Variants in BIN3 observed in about 807,000 individuals in gnomAD.
BIN3 encodes the protein bridging integrator 3.
In BIN3, 41 loss-of-function variants were observed where a neutral mutation model predicts 38.2. The observed-to-expected ratio is 1.07, with a 90% CI of 0.84 to 1.39. The LOEUF (loss-of-function observed/expected upper bound fraction) is 1.39. BIN3 is among the 40% of genes most tolerant of loss of function. BIN3 has a pLI of 0.00. For missense variants in BIN3, 361 were observed against 324.3 expected (o/e 1.11, Z -0.87); for synonymous variants, 145 against 122.6 (o/e 1.18, Z -1.21).
intron 8 of BIN3, among the ~76,000 whole-genome samples, 177 bp from the exon 9 acceptor site, chr8:22,621,745 G>C (rs775769467): frequency 6.6e-6 from 1 of 152,218 alleles, no homozygotes; most frequent in Non-Finnish European, 1.5e-5. Flanking sequence ...GAACCAAAAG[G>C]AGCCGGGGAG....
chr8:22,627,070 A>G (rs1802028922), intron 6 of BIN3, among the ~76,000 whole-genome samples: 1 of 152,148 alleles, frequency 6.6e-6, no homozygotes, highest in South Asian at 2.1e-4. Context: ...CCCCAGTGGG[A>G]AGAGCATGTC....
At chr8:22,639,987 G>A (rs1338960905) in intron 2 of BIN3, among the ~76,000 whole-genome samples, 3 of 150,750 alleles carry the variant, frequency 2.0e-5, no homozygotes, top group African/African-American at 4.9e-5. Context: ...TCAGCCTCCC[G>A]AGTAGCTGGG....
intron 1 of BIN3, among the ~76,000 whole-genome samples, chr8:22,666,473 G>A (rs1447908135): frequency 6.6e-6 from 1 of 152,142 alleles, no homozygotes; most frequent in East Asian, 1.9e-4. Context: ...GCCAAGAAGT[G>A]AATCTGTGAT....
intron 6 of BIN3, among the ~76,000 whole-genome samples, chr8:22,626,864 G>C (rs903807156): frequency 6.6e-6 from 1 of 152,170 alleles, no homozygotes; most frequent in African/African-American, 2.4e-5. Flanking sequence ...CTGTCGGCTG[G>C]GGCTTATTAT....
intron 2 of BIN3, among the ~76,000 whole-genome samples, chr8:22,640,151 C>T (rs1397744188): frequency 6.6e-6 from 1 of 152,064 alleles, no homozygotes; most frequent in African/African-American, 2.4e-5. Context: ...GCGTGAGCCA[C>T]TGTGCCCAGC....
chr8:22,661,191 A>G (rs1381214408), intron 1 of BIN3, among the ~76,000 whole-genome samples: 1 of 151,910 alleles, frequency 6.6e-6, no homozygotes, highest in Non-Finnish European at 1.5e-5. Flanking sequence ...GGCCCCTGAG[A>G]TTCCATTTCC....
At chr8:22,656,198 CTTTTT>C (rs1270903043) in intron 1 of BIN3, among the ~76,000 whole-genome samples, 47 of 144,490 alleles carry the variant, frequency 3.3e-4, no homozygotes, top group African/African-American at 1.2e-3. Context: ...TCATTCAAGC[CTTTTT>C]ATCTCCCTTG....
intron 2 of BIN3, 120 bp from the exon 3 acceptor site, chr8:22,637,082 T>G: frequency 2.4e-6 from 2 of 843,576 alleles, no homozygotes; most frequent in Non-Finnish European, 4.0e-6. Context: ...CATGGTCCAG[T>G]TCACACAAGC....
intron 1 of BIN3, among the ~76,000 whole-genome samples, chr8:22,662,475 T>C (rs543814353): frequency 2.2e-4 from 34 of 152,340 alleles, no homozygotes; most frequent in African/African-American, 7.5e-4. Context: ...TGGAAAGCAA[T>C]TGACAGTTTT....
intron 4 of BIN3, 50 bp from the exon 5 acceptor site, chr8:22,630,628 C>T (rs779827419): frequency 6.9e-6 from 11 of 1,605,392 alleles, no homozygotes; most frequent in African/African-American, 6.7e-5. Flanking sequence ...GCAGGTTTCA[C>T]GGCCTTCTCT....
chr8:22,656,225 T>G (rs1383606033), intron 1 of BIN3, among the ~76,000 whole-genome samples: 1 of 131,720 alleles, frequency 7.6e-6, no homozygotes, highest in Non-Finnish European at 1.6e-5. Context: ...TCTTAAGGGT[T>G]TTTTTTTTTT....
At position 22,620,776 on chromosome 8, in the gene BIN3, C is replaced by T. The variant is rs778264632; in HGVS notation, c.*646G>A. 2.5e-4 allele frequency: 38 copies of T among 152,272 alleles called. No individual in the cohort carries two copies. The highest frequency in any genetic ancestry group is 6.5e-4 in the African/African-American group (27 of 41,470). The allele number at this position is 152,272 out of a possible 1,614,324, so 9.4% of individuals were successfully genotyped here. ...CCAGATACTCAGGTGAGACACAAAC[C>T]CACTGTTCCTGCTTTGAGACCTGTG... On this transcript the variant is annotated 3_prime_UTR_variant, in exon 9 of 9. Transcript: ENST00000276416.
chr8:22,657,461 C>T (rs554958022), intron 1 of BIN3, among the ~76,000 whole-genome samples: 1 of 152,248 alleles, frequency 6.6e-6, no homozygotes. Context: ...GGAGTGGGCC[C>T]TTGGCCTTGA....
At chr8:22,668,496 A>T (rs932166090) in intron 1 of BIN3, among the ~76,000 whole-genome samples, 6 of 152,230 alleles carry the variant, frequency 3.9e-5, no homozygotes, top group African/African-American at 1.4e-4. Context: ...GTCCAATCCC[A>T]CAGTGGAAGG....
rs1564594 is a variant in BIN3 at position 22,631,757 on chromosome 8, T to C, written c.161-1179A>G. Among the ~76,000 whole-genome samples, 355 of 151,806 alleles carry C rather than the reference T, an allele frequency of 2.3e-3. 9 individuals are homozygous for C. In the East Asian group the frequency reaches 0.063, roughly 27 times the overall value. On this transcript the variant is annotated intron_variant, in intron 4 of 8. Transcript: ENST00000276416. ...CATGAATGTGCCGCCCACCCCTCTG[T>C]GCTCCTCCCTCCTGTGTTGACATTC...
chr8:22,630,504 G>C lies in BIN3; in HGVS notation c.235C>G (p.Leu79Val). The C allele has an allele frequency of 6.2e-7, 1 of 1,614,054 alleles. No homozygotes were observed. The highest frequency in any genetic ancestry group is 2.2e-5 in the East Asian group (1 of 44,888). Residue 79 changes from leucine to valine, a missense_variant, in exon 5 of 9, where the codon CTG (leucine) becomes GTG (valine). By Grantham distance (32) the Leu-to-Val change is conservative (BLOSUM62 1). Transcript: ENST00000276416. ...NPLCEQDQDL[L>V]NMVTALDTAM... ...GTGTCCAGGGCCGTCACCATGTTCA[G>C]AAGGTCCTGGTCTTGCTCACAGAGG...
In BIN3 at chr8:22,637,413, C is replaced by T. The variant is rs190977562; in HGVS notation, c.58-451G>A. 4.8e-4 allele frequency among the ~76,000 whole-genome samples: 73 copies of T among 152,308 alleles called. No homozygotes were observed. In the Middle Eastern group the frequency reaches 0.017, roughly 36 times the overall value. ...CATGCAGGGCACCTCCCCTCCTACG[C>T]GGCCCTCCACTCAGGGCCACCTGCC... is the stretch of plus-strand genomic sequence containing the variant. On this transcript the variant is annotated intron_variant, in intron 2 of 8. Coordinates refer to ENST00000276416, the MANE Select transcript of BIN3 (RefSeq NM_018688.6).
At chr8:22,627,528 C>T (rs1157421523) in intron 6 of BIN3, among the ~76,000 whole-genome samples, 2 of 152,114 alleles carry the variant, frequency 1.3e-5, no homozygotes, top group East Asian at 3.9e-4. Context: ...TGTGCCAGCC[C>T]CTCCCAGATA....
At chr8:22,649,007 C>A (rs1802800858) in intron 1 of BIN3, among the ~76,000 whole-genome samples, 1 of 152,124 alleles carries the variant, frequency 6.6e-6, no homozygotes, top group African/African-American at 2.4e-5. Flanking sequence ...TTGTACATTT[C>A]CTGCCTCAGC....
Sources: gnomAD v4.1 joint callset for allele counts (sites outside exome capture counted in the v4.1 genomes callset) on GRCh38, gnomAD v4.1.1 for gene constraint, MANE v1.5 for transcripts, NCBI Gene and HGNC (gene_info 2026-07-23, HGNC 2026-07-21) for gene names.